Variants in TRIP12 observed in about 807,000 individuals in gnomAD.
TRIP12 encodes the protein E3 ubiquitin-protein ligase TRIP12.
Under a neutral mutation model 244.2 loss-of-function variants are expected in TRIP12, and 25 were observed. That is an observed-to-expected ratio of 0.10 (90% CI 0.07 to 0.14). The LOEUF is 0.14. Ranked by LOEUF, TRIP12 falls within the 10% of genes least tolerant of loss-of-function variation. The pLI is 1.00. For synonymous variants in TRIP12, 905 were observed against 873.1 expected (o/e 1.04, Z -0.64); for missense variants, 1,677 against 2,486.4 (o/e 0.67, Z 6.92).
At chr2:229,896,051 T>A (rs1017706895) in intron 1 of TRIP12, among the ~76,000 whole-genome samples, 2 of 151,938 alleles carry the variant, frequency 1.3e-5, no homozygotes, top group African/African-American at 4.8e-5. Flanking sequence ...CTCCAATGAA[T>A]GAAGTTTTGG....
At chr2:229,805,632 A>G (rs1196333326) in intron 18 of TRIP12, 98 bp downstream of exon 18, 27 of 1,211,772 alleles carry the variant, frequency 2.2e-5, no homozygotes, top group Non-Finnish European at 2.5e-5. Context: ...AATTGTCTTA[A>G]GCTTAAAAAG....
rs2042910349 is a variant in TRIP12 at position 229,796,768 on chromosome 2, A to T, written c.3639T>A (p.Ala1213=). ...EQLNLQVDGG[A]ECLVEIRSIV... ...TGCTACGGATTTCTACAAGGCACTC[A>T]GCTCCACCATCCACCTGAAAGAGTT... The change falls in exon 25 of 42, where the codon GCT becomes GCA. Residue 1213 remains alanine, a synonymous_variant. Transcript: ENST00000675903. 1.9e-6 allele frequency: 3 copies of T among 1,583,796 alleles called. No individual in the cohort carries two copies. The African/African-American group carries it at 4.1e-5, about 22-fold the overall frequency.
intron 8 of TRIP12, among the ~76,000 whole-genome samples, chr2:229,820,816 C>T (rs534588541): frequency 6.6e-6 from 1 of 152,236 alleles, no homozygotes; most frequent in Admixed American, 6.5e-5. Context: ...TAGTGAACTC[C>T]TGACCTCAGG....
chr2:229,783,015 A>G (rs1406342867), intron 34 of TRIP12, among the ~76,000 whole-genome samples: 2 of 152,336 alleles, frequency 1.3e-5, no homozygotes, highest in South Asian at 2.1e-4. Flanking sequence ...AAGAAAAGAC[A>G]AAGACTAGAA....
At chr2:229,791,499 ACACT>A (rs948171398) in intron 29 of TRIP12, among the ~76,000 whole-genome samples, 6 of 152,356 alleles carry the variant, frequency 3.9e-5, no homozygotes, top group Non-Finnish European at 8.8e-5. Context: ...TATGTAGCAG[ACACT>A]CACAGACAAT....
rs138926243 is a variant in TRIP12, at chr2:229,777,493, T to C, written c.5365-14A>G. 1.8e-4 allele frequency: 286 copies of C among 1,613,268 alleles called. 2 individuals are homozygous for C. The East Asian group carries it at 6.0e-3, about 34-fold the overall frequency. On this transcript the variant is annotated splice_polypyrimidine_tract_variant and intron_variant, in intron 36 of 41. Transcript: ENST00000675903. ...GGGAAGGTCCACCTGAAATGGAATA[T>C]GCATAATATTTTCACTGTCACACTG...
chr2:229,838,626 AATTAATTTTCAG>A (rs2055490290), intron 5 of TRIP12, among the ~76,000 whole-genome samples: 1 of 152,204 alleles, frequency 6.6e-6, no homozygotes, highest in Non-Finnish European at 1.5e-5. Flanking sequence ...TATGGCTTAA[AATTAATTTTCAG>A]ACACAATAAA....
intron 2 of TRIP12, among the ~76,000 whole-genome samples, chr2:229,866,224 C>T (rs1180302532): frequency 2.0e-5 from 3 of 152,104 alleles, no homozygotes; most frequent in Non-Finnish European, 4.4e-5. Flanking sequence ...TTAAATTTTC[C>T]AAGAATGCAA....
At chr2:229,867,043 C>T (rs1012593449) in intron 2 of TRIP12, among the ~76,000 whole-genome samples, 4 of 150,382 alleles carry the variant, frequency 2.7e-5, no homozygotes, top group Non-Finnish European at 5.9e-5. Context: ...CTACTTGTAC[C>T]CTGAAAGCTA....
chr2:229,772,295 AATT>A (rs1418672150), intron 38 of TRIP12, among the ~76,000 whole-genome samples: 3 of 152,348 alleles, frequency 2.0e-5, no homozygotes, highest in African/African-American at 7.2e-5. Flanking sequence ...CATTAGTATA[AATT>A]ATTTTGAGAT....
chr2:229,912,701 T>C (rs2074544523), intron 1 of TRIP12, among the ~76,000 whole-genome samples: 2 of 152,210 alleles, frequency 1.3e-5, no homozygotes, highest in African/African-American at 4.8e-5. Context: ...ATAACAAATA[T>C]GCACAATGTT....
intron 2 of TRIP12, among the ~76,000 whole-genome samples, chr2:229,870,797 A>C (rs985394858): frequency 6.6e-6 from 1 of 152,212 alleles, no homozygotes; most frequent in Non-Finnish European, 1.5e-5. Flanking sequence ...TCAAAAATCA[A>C]GAAAAGGAAA....
At chr2:229,833,993 T>C (rs1430962885) in intron 6 of TRIP12, among the ~76,000 whole-genome samples, 3 of 152,224 alleles carry the variant, frequency 2.0e-5, no homozygotes, top group African/African-American at 7.2e-5. Context: ...TCAGCTACAG[T>C]TCTTTCGTCA....
chr2:229,886,342 A>C (rs931130780), intron 1 of TRIP12, among the ~76,000 whole-genome samples: 2 of 152,112 alleles, frequency 1.3e-5, no homozygotes, highest in Admixed American at 1.3e-4. Flanking sequence ...AAATTAGGAG[A>C]GTAAGGGCCA....
chr2:229,772,708 C>T (rs10185061), intron 38 of TRIP12, among the ~76,000 whole-genome samples: 2,454 of 152,054 alleles, frequency 0.016, 62 homozygotes, highest in African/African-American at 0.057. Context: ...GTGATCCGCC[C>T]GCCTTGGCCT....
At chr2:229,922,460 C>A, upstream of TRIP12, 1 of 1,583,926 alleles carries the variant, frequency 6.3e-7, no homozygotes. Flanking sequence ...CCCTTGACCC[C>A]AACCAAGCCC....
chr2:229,887,498 T>C (rs915080367), intron 1 of TRIP12, among the ~76,000 whole-genome samples: 2 of 152,100 alleles, frequency 1.3e-5, no homozygotes, highest in Admixed American at 6.6e-5. Context: ...AGGAGGCAGA[T>C]CAAGTAGAAA....
At chr2:229,894,533 A>T (rs2068238262) in intron 1 of TRIP12, 1 of 152,108 alleles carries the variant, frequency 6.6e-6, no homozygotes, top group South Asian at 2.1e-4. Context: ...ATATTCCTGA[A>T]CCCCATCCCA....
chr2:229,803,905 G>T, intron 19 of TRIP12, 94 bp downstream of exon 19: 1 of 1,143,702 alleles, frequency 8.7e-7, no homozygotes, highest in Non-Finnish European at 1.2e-6. Context: ...ACAAATTTTT[G>T]TGCATATTTT....
Sources: gnomAD v4.1 joint callset for allele counts (sites outside exome capture counted in the v4.1 genomes callset) on GRCh38, gnomAD v4.1.1 for gene constraint, MANE v1.5 for transcripts, NCBI Gene and HGNC (gene_info 2026-07-23, HGNC 2026-07-21) for gene names.